The following NSUN7 variants were observed in gnomAD, a reference collection of about 807,000 sequenced individuals.
The protein encoded by NSUN7 is NOP2/Sun RNA methyltransferase family member 7.
A neutral mutation model predicts 58.5 loss-of-function variants in NSUN7; 39 were observed. That is an observed-to-expected ratio of 0.67 (90% CI 0.52 to 0.87). The LOEUF is 0.87. Ranked by LOEUF, NSUN7 falls within the 40% of genes least tolerant of loss-of-function variation. The pLI, the probability that NSUN7 is intolerant of heterozygous loss-of-function variation, is 0.00. For missense variants in NSUN7, 765 were observed against 844.1 expected (o/e 0.91, Z 1.16); for synonymous variants, 278 against 303.7 (o/e 0.92, Z 0.88).
At chr4:40,778,027 T>C (rs751531199) in intron 7 of NSUN7, among the ~76,000 whole-genome samples, 6 of 152,172 alleles carry the variant, frequency 3.9e-5, no homozygotes, top group Non-Finnish European at 5.9e-5. Flanking sequence ...AACTGAAAAA[T>C]ACAATGTGTG....
intron 8 of NSUN7, among the ~76,000 whole-genome samples, chr4:40,792,191 A>G (rs1560560666): frequency 1.3e-5 from 2 of 152,308 alleles, no homozygotes; most frequent in East Asian, 3.9e-4. Context: ...GGGGGAAGGA[A>G]AAAAGGGGGA....
At chr4:40,770,826 G>A (rs1362570063) in intron 4 of NSUN7, among the ~76,000 whole-genome samples, 1 of 152,310 alleles carries the variant, frequency 6.6e-6, no homozygotes, top group East Asian at 1.9e-4. Context: ...GCCAAGGTGG[G>A]CGGATCGTGA....
At chr4:40,781,500 G>C (rs1742563714) in intron 7 of NSUN7, among the ~76,000 whole-genome samples, 1 of 152,166 alleles carries the variant, frequency 6.6e-6, no homozygotes, top group South Asian at 2.1e-4. Context: ...AGGCTGGAGT[G>C]CAGTGGGGCA....
rs1742200831 is a variant in NSUN7, at chr4:40,775,034, CTG to C, written c.825+86_825+87del. The C allele has an allele frequency of 3.3e-6, 2 of 606,380 alleles. No individual in the cohort carries two copies. Among genetic ancestry groups the C allele is most frequent in the Non-Finnish European group, 2.8e-6 (1 of 356,202 alleles). 37.6% of individuals were successfully genotyped at this position (606,380 alleles called of 1,614,324 possible). Reference sequence around the variant, plus strand: ...CTCCACTTAAAAATAAAACCTAACACTGTTTATATTTTTATAGATTATCAGGG... The same window carrying C: ...CTCCACTTAAAAATAAAACCTAACACTTTATATTTTTATAGATTATCAGGG... On this transcript the variant is annotated intron_variant, in intron 6 of 11. Transcript: ENST00000381782. This position sits in a 1 kb window ranked among gnomAD's most constrained non-coding sequence, Gnocchi z 4.3.
intron 10 of NSUN7, among the ~76,000 whole-genome samples, chr4:40,805,141 GTGTT>G (rs1158277444): frequency 2.0e-5 from 3 of 152,120 alleles, no homozygotes; most frequent in Non-Finnish European, 4.4e-5. Context: ...GAGCCATTGT[GTGTT>G]TGTTTTCTTT....
Position 40,807,102 on chromosome 4 carries a change from T to A in NSUN7, c.1442T>A (p.Ile481Asn), listed in dbSNP as rs1174376408. The change falls in exon 11 of 12, where the codon ATT becomes AAT. Residue 481 changes from isoleucine to asparagine, a missense_variant. Coordinates refer to ENST00000381782, the MANE Select transcript of NSUN7 (RefSeq NM_024677.6). ...CTTCCACTGTGCTCCTTAAAGGAAATTCAATTGTCTACTGATAAATTTTTC... is the reference window on the plus strand; with the variant it reads ...CTTCCACTGTGCTCCTTAAAGGAAAATCAATTGTCTACTGATAAATTTTTC... Reference protein sequence around the residue: ...PVLPLCSLKEIQLSTDKFFRM... With the variant: ...PVLPLCSLKENQLSTDKFFRM... The A allele has an allele frequency of 6.4e-7, 1 of 1,551,702 alleles. No individual in the cohort carries two copies. Among genetic ancestry groups the A allele is most frequent in the East Asian group, 2.4e-5 (1 of 40,910 alleles).
chr4:40,763,564 C>T (rs1326884196), intron 4 of NSUN7, among the ~76,000 whole-genome samples: 1 of 152,180 alleles, frequency 6.6e-6, no homozygotes, highest in Non-Finnish European at 1.5e-5. Context: ...AAGAAACCCA[C>T]AGGGCTCTAA....
intron 4 of NSUN7, among the ~76,000 whole-genome samples, chr4:40,762,905 C>T (rs950421283): frequency 1.3e-5 from 2 of 152,088 alleles, no homozygotes; most frequent in African/African-American, 2.4e-5. Context: ...GCTTGATGAT[C>T]CTTATGAGAT....
At chr4:40,758,409 C>T (rs1272727225) in intron 2 of NSUN7, among the ~76,000 whole-genome samples, 1 of 152,056 alleles carries the variant, frequency 6.6e-6, no homozygotes, top group East Asian at 1.9e-4. Flanking sequence ...GCATAATTAC[C>T]TTGTGAAGTA....
Position 40,792,440 on chromosome 4 carries a change from A to G in NSUN7, c.1180+1695A>G, listed in dbSNP as rs115861979. 1.0e-2 allele frequency among the ~76,000 whole-genome samples: 1,516 copies of G among 152,302 alleles called. 34 individuals carry two copies. The highest frequency in any genetic ancestry group is 0.033 in the African/African-American group (1,384 of 41,568). ...TTTTGAAAGCCTTGATGAGGAGATG[A>G]TAGGATAAGCTAAGAAGTTGTCGTA... On this transcript the variant is annotated intron_variant, in intron 8 of 11. Coordinates refer to ENST00000381782, the MANE Select transcript of NSUN7 (RefSeq NM_024677.6).
In NSUN7 at chr4:40,808,451, A is replaced by G. The variant is rs761441275; in HGVS notation, c.1669A>G (p.Thr557Ala). The G allele has an allele frequency of 1.2e-6, 2 of 1,600,656 alleles. No homozygotes were observed. The highest frequency in any genetic ancestry group is 1.1e-5 in the South Asian group (1 of 89,762). Reference sequence around the variant, plus strand: ...AAAAACATCATTGACAAAAGGTGCCACTACTGATAATGGCATCCAAATGAA... The same window carrying G: ...AAAAACATCATTGACAAAAGGTGCCGCTACTGATAATGGCATCCAAATGAA... ...KSKTSLTKGATTDNGIQMKIA... is the reference protein window; with the variant it reads ...KSKTSLTKGAATDNGIQMKIA... The change falls in exon 12 of 12, where the codon ACT becomes GCT. Residue 557 changes from threonine (T) to alanine (A), a missense_variant. By Grantham distance (58) the Thr-to-Ala change is moderately conservative. Transcript: ENST00000381782.
At chr4:40,773,587 G>T (rs1241907697) in intron 4 of NSUN7, among the ~76,000 whole-genome samples, 1 of 151,714 alleles carries the variant, frequency 6.6e-6, no homozygotes, top group East Asian at 2.0e-4. Context: ...GGAGGCTGAG[G>T]TAGGAGAATT....
In NSUN7 at chr4:40,750,639, G is replaced by A; in HGVS notation, c.-55G>A. On this transcript the variant is annotated 5_prime_UTR_variant, in exon 2 of 12. Transcript: ENST00000381782. ...CAGATGCGAGGAAAGCCGTTTCCTGGAACATCGGAATTCTAACCCCAGGGT... is the reference window on the plus strand; with the variant it reads ...CAGATGCGAGGAAAGCCGTTTCCTGAAACATCGGAATTCTAACCCCAGGGT... 6.3e-7 allele frequency: 1 copy of A among 1,581,382 alleles called. No homozygotes were observed.
intron 2 of NSUN7, among the ~76,000 whole-genome samples, chr4:40,754,223 C>T (rs1190968775): frequency 6.6e-6 from 1 of 151,334 alleles, no homozygotes; most frequent in Non-Finnish European, 1.5e-5. Flanking sequence ...TCTCGGTTCA[C>T]TGCAACCTCT....
intron 7 of NSUN7, among the ~76,000 whole-genome samples, chr4:40,781,589 G>A (rs569851300): frequency 6.4e-4 from 98 of 152,200 alleles, no homozygotes; most frequent in Middle Eastern, 3.4e-3. Context: ...GGGACTACAG[G>A]CATGTGCCAC....
Position 40,808,293 on chromosome 4 carries a change from T to G in NSUN7, c.1525-14T>G, listed in dbSNP as rs1228480336. 1 of 1,585,216 alleles carries G rather than the reference T, an allele frequency of 6.3e-7. No individual in the cohort carries two copies. On this transcript the variant is annotated splice_polypyrimidine_tract_variant and intron_variant, in intron 11 of 11. Transcript: ENST00000381782. ...GCTAACTCCCACATTTAGTAAATGC[T>G]TCTTTAATTGCAGCGGGACCCTTCT...
At chr4:40,773,572 A>G (rs1341761912) in intron 4 of NSUN7, among the ~76,000 whole-genome samples, 1 of 151,638 alleles carries the variant, frequency 6.6e-6, no homozygotes, top group African/African-American at 2.4e-5. Flanking sequence ...AGTCCCAGCA[A>G]CTCGGGAGGC....
At chr4:40,794,294 T>C (rs1204222406) in intron 8 of NSUN7, 81 bp from the exon 9 acceptor site, 1 of 630,062 alleles carries the variant, frequency 1.6e-6, no homozygotes, top group African/African-American at 1.9e-5. Flanking sequence ...GGCAAAATGA[T>C]TGAAAAATTA....
In NSUN7 at chr4:40,751,165, C is replaced by T. The variant is rs535440025; in HGVS notation, c.298+174C>T. 7.9e-5 allele frequency among the ~76,000 whole-genome samples: 12 copies of T among 152,344 alleles called. No homozygotes were observed. The East Asian group carries it at 2.3e-3, about 29-fold the overall frequency. Reference sequence around the variant, plus strand: ...GGAATTAGGGTTCCCATGAAACTAGCTCTTCCAGCCCAGGATTGCAGATTT... The same window carrying T: ...GGAATTAGGGTTCCCATGAAACTAGTTCTTCCAGCCCAGGATTGCAGATTT... On this transcript the variant is annotated intron_variant, in intron 2 of 11. Transcript: ENST00000381782.
Sources: gnomAD v4.1 joint callset for allele counts (sites outside exome capture counted in the v4.1 genomes callset) on GRCh38, gnomAD v4.1.1 for gene constraint, Gnocchi (gnomAD v3.1) non-coding constraint, MANE v1.5 for transcripts, NCBI Gene and HGNC (gene_info 2026-07-23, HGNC 2026-07-21) for gene names.